KCNQ3: variants seen among roughly 807,000 people sequenced by gnomAD.
KCNQ3 encodes the protein potassium voltage-gated channel subfamily KQT member 3.
In KCNQ3, 30 loss-of-function variants were observed where a neutral mutation model predicts 92.5. The ratio of observed to expected loss-of-function variants is 0.32; its 90% confidence interval spans 0.24 to 0.44. The LOEUF (loss-of-function observed/expected upper bound fraction) is 0.44, where lower values mean the gene tolerates loss of function less well. Ranked by LOEUF, KCNQ3 falls within the 20% of genes least tolerant of loss-of-function variation. The probability of loss-of-function intolerance (pLI) is 1.00; values close to 1 mark genes in which losing one functional copy is unlikely to be tolerated. For missense variants in KCNQ3, 913 were observed against 1,140.3 expected (o/e 0.80, Z 2.87); for synonymous variants, 450 against 468.8 (o/e 0.96, Z 0.52).
In KCNQ3 at chr8:132,138,120, A is replaced by T. The variant is rs955834037; in HGVS notation, c.1569-104T>A. 17 of 1,353,842 alleles carry T rather than the reference A, an allele frequency of 1.3e-5. No homozygotes were observed. In the African/African-American group the frequency reaches 2.4e-4, roughly 19 times the overall value. The allele number at this position is 1,353,842 out of a possible 1,614,324, so 83.9% of individuals were successfully genotyped here. A position where few individuals can be genotyped will look rare whatever the true frequency, so the allele number is the denominator to read the frequency against. On this transcript the variant is annotated intron_variant, in intron 11 of 14. Coordinates refer to ENST00000388996, the MANE Select transcript of KCNQ3 (RefSeq NM_004519.4). ...GGGCAGGGGGAGAAAAGAACCAAAGATAAAAGAGCTTGCTGGAAGAACTTC... is the reference window on the plus strand; with the variant it reads ...GGGCAGGGGGAGAAAAGAACCAAAGTTAAAAGAGCTTGCTGGAAGAACTTC...
At chr8:132,180,095 C>A in intron 4 of KCNQ3, 62 bp downstream of exon 4, 1 of 1,566,868 alleles carries the variant, frequency 6.4e-7, no homozygotes, top group South Asian at 1.1e-5. Flanking sequence ...GAAGGGATGT[C>A]ATGGAAGGGC....
intron 1 of KCNQ3, among the ~76,000 whole-genome samples, chr8:132,189,907 A>AAAC (rs1480816124): frequency 2.3e-5 from 3 of 132,218 alleles, no homozygotes; most frequent in African/African-American, 1.0e-4. Context: ...AAAAAAAAAA[A>AAAC]AGAGAGAGAG....
intron 1 of KCNQ3, among the ~76,000 whole-genome samples, chr8:132,389,911 G>A (rs1277440673): frequency 6.6e-6 from 1 of 152,220 alleles, no homozygotes; most frequent in African/African-American, 2.4e-5. Flanking sequence ...ACCAGCAGTT[G>A]TGTACCTAGG....
At chr8:132,460,200 G>A (rs900680748) in intron 1 of KCNQ3, among the ~76,000 whole-genome samples, 3 of 152,136 alleles carry the variant, frequency 2.0e-5, no homozygotes, top group African/African-American at 7.2e-5. Context: ...AGAAACCAAG[G>A]TCTGGATGCC....
At chr8:132,469,422 C>T (rs1822250013) in intron 1 of KCNQ3, among the ~76,000 whole-genome samples, 1 of 152,182 alleles carries the variant, frequency 6.6e-6, no homozygotes, top group South Asian at 2.1e-4. Context: ...TATTGCGATG[C>T]CCATTTTGCA....
intron 1 of KCNQ3, among the ~76,000 whole-genome samples, chr8:132,191,035 A>G (rs1827139510): frequency 6.6e-6 from 1 of 152,264 alleles, no homozygotes; most frequent in Non-Finnish European, 1.5e-5. Context: ...GCGATTAGCA[A>G]TGGCCTTGTT....
intron 1 of KCNQ3, among the ~76,000 whole-genome samples, chr8:132,451,416 T>C (rs942735456): frequency 2.6e-5 from 4 of 152,264 alleles, no homozygotes; most frequent in Non-Finnish European, 5.9e-5. Context: ...ACTTTCTTAA[T>C]GCACCATCCA....
intron 1 of KCNQ3, among the ~76,000 whole-genome samples, chr8:132,236,392 C>A (rs753689224): frequency 6.6e-6 from 1 of 152,112 alleles, no homozygotes; most frequent in Non-Finnish European, 1.5e-5. Context: ...CGCAGGGATT[C>A]AAATGCCTTC....
chr8:132,349,986 C>A (rs889595174), intron 1 of KCNQ3, among the ~76,000 whole-genome samples: 2 of 152,212 alleles, frequency 1.3e-5, no homozygotes, highest in African/African-American at 4.8e-5. Context: ...CGAGATCATG[C>A]TTCATGGATG....
intron 1 of KCNQ3, among the ~76,000 whole-genome samples, chr8:132,251,463 A>C (rs139139063): frequency 1.3e-3 from 200 of 152,300 alleles, no homozygotes; most frequent in Middle Eastern, 6.8e-3. Flanking sequence ...ACTCCTGGGA[A>C]AACTTCTGAA....
intron 9 of KCNQ3, among the ~76,000 whole-genome samples, chr8:132,157,909 A>G (rs943567752): frequency 1.3e-5 from 2 of 151,994 alleles, no homozygotes; most frequent in Non-Finnish European, 2.9e-5. Context: ...ACTCCCATTT[A>G]TGAATGAGAA....
intron 1 of KCNQ3, among the ~76,000 whole-genome samples, chr8:132,290,623 A>T (rs546560850): frequency 6.6e-6 from 1 of 152,302 alleles, no homozygotes; most frequent in East Asian, 1.9e-4. Context: ...ATATGAAGAT[A>T]GAGACAAGAG....
At chr8:132,322,178 G>A (rs987714308) in intron 1 of KCNQ3, among the ~76,000 whole-genome samples, 9 of 152,140 alleles carry the variant, frequency 5.9e-5, no homozygotes, top group Admixed American at 1.3e-4. Flanking sequence ...CATCTTCAAC[G>A]AATAACAGAG....
intron 1 of KCNQ3, among the ~76,000 whole-genome samples, chr8:132,479,382 A>G (rs1822489688): frequency 6.6e-6 from 1 of 152,138 alleles, no homozygotes; most frequent in Non-Finnish European, 1.5e-5. Context: ...GCAGCGACTG[A>G]GGCTGAGGGA....
chr8:132,199,765 C>A (rs548480873), intron 1 of KCNQ3, among the ~76,000 whole-genome samples: 6 of 152,070 alleles, frequency 3.9e-5, no homozygotes, highest in Non-Finnish European at 7.4e-5. Flanking sequence ...CAAAAATTAG[C>A]CAGGTGTGGT....
At chr8:132,441,888 T>C (rs1186615936) in intron 1 of KCNQ3, among the ~76,000 whole-genome samples, 10 of 152,162 alleles carry the variant, frequency 6.6e-5, no homozygotes, top group Admixed American at 6.5e-4. Context: ...CGGAATACTA[T>C]GGAGCCATAA....
intron 1 of KCNQ3, among the ~76,000 whole-genome samples, chr8:132,274,549 G>T (rs2130508468): frequency 6.6e-6 from 1 of 152,254 alleles, no homozygotes; most frequent in South Asian, 2.1e-4. Context: ...CCTTTCTACA[G>T]AATATAGTGC....
chr8:132,186,366 G>T (rs1052580630), intron 1 of KCNQ3, among the ~76,000 whole-genome samples, 185 bp from the exon 2 acceptor site: 1 of 152,162 alleles, frequency 6.6e-6, no homozygotes, highest in African/African-American at 2.4e-5. Flanking sequence ...AATCATCCCA[G>T]TTAAATAAAA....
chr8:132,361,302 C>A (rs1033555150), intron 1 of KCNQ3, among the ~76,000 whole-genome samples: 4 of 152,194 alleles, frequency 2.6e-5, no homozygotes, highest in Non-Finnish European at 5.9e-5. Flanking sequence ...TTCTGCGGCA[C>A]GAACCTCCTC....
Sources: gnomAD v4.1 joint callset for allele counts (sites outside exome capture counted in the v4.1 genomes callset) on GRCh38, gnomAD v4.1.1 for gene constraint, MANE v1.5 for transcripts, NCBI Gene and HGNC (gene_info 2026-07-23, HGNC 2026-07-21) for gene names.